The following UBOX5 variants were observed in gnomAD, a reference collection of about 807,000 sequenced individuals.
UBOX5 encodes U-box domain containing 5.
A neutral mutation model predicts 39.0 loss-of-function variants in UBOX5; 28 were observed. That is an observed-to-expected ratio of 0.72 (90% CI 0.53 to 0.98). The LOEUF (loss-of-function observed/expected upper bound fraction) is 0.98. UBOX5 is among the 50% of genes least tolerant of loss of function. The probability of loss-of-function intolerance (pLI) is 0.00; values close to 1 mark genes in which losing one functional copy is unlikely to be tolerated. For missense variants in UBOX5, 585 were observed against 674.4 expected (o/e 0.87, Z 1.47); for synonymous variants, 283 against 275.5 (o/e 1.03, Z -0.27).
intron 1 of UBOX5, among the ~76,000 whole-genome samples, chr20:3,155,865 T>C (rs74832142): frequency 0.075 from 11,347 of 152,302 alleles, 530 homozygotes; most frequent in Middle Eastern, 0.13. Context: ...GGCTACTTAC[T>C]CTTTTCACTA....
chr20:3,139,375 TTTTTAA>T (rs1372831661), intron 1 of UBOX5, among the ~76,000 whole-genome samples: 1 of 150,806 alleles, frequency 6.6e-6, no homozygotes, highest in Non-Finnish European at 1.5e-5. Flanking sequence ...TTCCTCTTTA[TTTTTAA>T]TTTTTATTTA....
At chr20:3,121,326 G>T in intron 3 of UBOX5, 58 bp downstream of exon 3, 1 of 1,556,026 alleles carries the variant, frequency 6.4e-7, no homozygotes, top group South Asian at 1.2e-5. Context: ...CAGCAGAGCT[G>T]AGAGCTCCTG....
chr20:3,158,435 A>G (rs2066712062), intron 1 of UBOX5, among the ~76,000 whole-genome samples: 1 of 152,244 alleles, frequency 6.6e-6, no homozygotes. Flanking sequence ...TATGTTATGC[A>G]GCACAGAGTC....
chr20:3,155,821 G>A (rs894278973), intron 1 of UBOX5, among the ~76,000 whole-genome samples: 2 of 152,158 alleles, frequency 1.3e-5, no homozygotes, highest in Non-Finnish European at 2.9e-5. Context: ...GAATCTTAGA[G>A]GCATGAAGAG....
rs148848697 is a variant in UBOX5 at position 3,123,362 on chromosome 20, C to T, written c.4G>A (p.Val2Ile). 1 of 1,613,916 alleles carries T rather than the reference C, an allele frequency of 6.2e-7. No homozygotes were observed. The highest frequency in any genetic ancestry group is 2.2e-5 in the East Asian group (1 of 44,884). The change falls in exon 2 of 5, where the codon GTA (valine) becomes ATA (isoleucine). Residue 2 changes from valine (V) to isoleucine (I), a missense_variant. Transcript: ENST00000217173. ...AACTGTGGGAGGCAAAGATTTATTA[C>T]CATCTTTGTGGCTGAGAGGATATCT... M[V>I]INLCLPQFRP...
intron 1 of UBOX5, among the ~76,000 whole-genome samples, chr20:3,150,254 G>A (rs1489858386): frequency 6.6e-6 from 1 of 152,098 alleles, no homozygotes; most frequent in African/African-American, 2.4e-5. Flanking sequence ...ATTTTGGTGG[G>A]AGAAAGCAGA....
At position 3,109,936 on chromosome 20, in the gene UBOX5, A is replaced by T; in HGVS notation, c.*170T>A. 1.3e-6 allele frequency: 1 copy of T among 746,114 alleles called. No homozygotes were observed. 46.2% of individuals were successfully genotyped at this position (746,114 alleles called of 1,614,324 possible). On this transcript the variant is annotated 3_prime_UTR_variant, in exon 5 of 5. Transcript: ENST00000217173. ...CCTATGGCTTTGTTGCCCTATTGCC[A>T]CCAGCGCAGAAGCAATGTGCTATAC...
chr20:3,121,560 G>A lies in UBOX5; in HGVS notation c.1079C>T (p.Pro360Leu). Reference protein sequence around the residue: ...LAVIPSSIVLPSQKRKIEQAE... With the variant: ...LAVIPSSIVLLSQKRKIEQAE... ...CTGCTCTATCTTCCTTTTCTGAGAG[G>A]GCAGAACAATGGAAGAAGGGATCAC... The change falls in exon 3 of 5, where the codon CCC (proline) becomes CTC (leucine). Residue 360 changes from proline to leucine, a missense_variant. Physicochemically the swap from Pro to Leu is moderately conservative, Grantham distance 98. Coordinates refer to ENST00000217173, the MANE Select transcript of UBOX5 (RefSeq NM_014948.4). 6.2e-7 allele frequency: 1 copy of A among 1,608,870 alleles called. No individual in the cohort carries two copies. Among genetic ancestry groups the A allele is most frequent in the Non-Finnish European group, 8.5e-7 (1 of 1,177,434 alleles).
In UBOX5 at chr20:3,121,403, T is replaced by C; in HGVS notation, c.1236A>G (p.Thr412=). The change falls in exon 3 of 5, where the codon ACA becomes ACG. Residue 412 remains threonine (T), a synonymous_variant. Coordinates refer to ENST00000217173, the MANE Select transcript of UBOX5 (RefSeq NM_014948.4). Reference sequence around the variant, plus strand: ...AATTACCTGTCGAGCAGTCCATATGTGTCAGGCTGGGCTCATTGGTGGCTT... The same window carrying C: ...AATTACCTGTCGAGCAGTCCATATGCGTCAGGCTGGGCTCATTGGTGGCTT... ...KMKATNEPSL[T]HMDCSTGPLS... 6.2e-7 allele frequency: 1 copy of C among 1,612,942 alleles called. No individual in the cohort carries two copies. Among genetic ancestry groups the C allele is most frequent in the Non-Finnish European group, 8.5e-7 (1 of 1,179,340 alleles).
chr20:3,126,159 A>C (rs1214668155), intron 1 of UBOX5, among the ~76,000 whole-genome samples: 1 of 152,216 alleles, frequency 6.6e-6, no homozygotes, highest in Non-Finnish European at 1.5e-5. Context: ...TTTGTTCTGT[A>C]CTAAGAAAAA....
chr20:3,115,845 C>T (rs1244676209), intron 3 of UBOX5, among the ~76,000 whole-genome samples: 3 of 144,554 alleles, frequency 2.1e-5, no homozygotes, highest in African/African-American at 7.6e-5. Context: ...CTCACTGCAA[C>T]CTTCGCCTCC....
intron 1 of UBOX5, among the ~76,000 whole-genome samples, chr20:3,132,539 C>T (rs1253467531): frequency 6.6e-6 from 1 of 151,248 alleles, no homozygotes; most frequent in Non-Finnish European, 1.5e-5. Flanking sequence ...CTGGGTGAAA[C>T]GAGGCGTGAT....
In UBOX5 at chr20:3,109,800, G is replaced by A. The variant is rs1373993778; in HGVS notation, c.*306C>T. 1.4e-5 allele frequency: 6 copies of A among 437,500 alleles called. No individual in the cohort carries two copies. The highest frequency in any genetic ancestry group is 9.7e-5 in the East Asian group (2 of 20,630). 27.1% of individuals were successfully genotyped at this position (437,500 alleles called of 1,614,324 possible). ...GGACAGGGGGGTATGCGGACTGCAC[G>A]GGGGGGCCCTCAGCAGGGGTCTTCC... On this transcript the variant is annotated 3_prime_UTR_variant, in exon 5 of 5. Coordinates refer to ENST00000217173, the MANE Select transcript of UBOX5 (RefSeq NM_014948.4).
At chr20:3,148,370 T>G (rs781768771) in intron 1 of UBOX5, 1 of 1,614,172 alleles carries the variant, frequency 6.2e-7, no homozygotes, top group Non-Finnish European at 8.5e-7. Context: ...CCATACCTGA[T>G]GGCAACACTT....
rs1012932054 is a variant in UBOX5 at position 3,131,510 on chromosome 20, A to T, written c.-41-8104T>A. On this transcript the variant is annotated intron_variant, in intron 1 of 4. Coordinates refer to ENST00000217173, the MANE Select transcript of UBOX5 (RefSeq NM_014948.4). ...GTTCTTTAAATGTACTGTACTACTGAATTTATTTTGCTCATATTTAATTTT... is the reference window on the plus strand; with the variant it reads ...GTTCTTTAAATGTACTGTACTACTGTATTTATTTTGCTCATATTTAATTTT... Among the ~76,000 whole-genome samples the T allele has an allele frequency of 2.6e-5, 4 of 152,264 alleles. No individual in the cohort carries two copies. In the East Asian group the frequency reaches 7.7e-4, roughly 29 times the overall value.
At chr20:3,130,161 AGT>A (rs1190372831) in intron 1 of UBOX5, among the ~76,000 whole-genome samples, 1 of 152,088 alleles carries the variant, frequency 6.6e-6, no homozygotes. Flanking sequence ...TTGAGGCTAC[AGT>A]GAGCTATGAT....
Position 3,122,552 on chromosome 20 carries a change from G to A in UBOX5, c.87C>T (p.Leu29=). 6.3e-7 allele frequency: 1 copy of A among 1,598,984 alleles called. No homozygotes were observed. Among genetic ancestry groups the A allele is most frequent in the Non-Finnish European group, 8.5e-7 (1 of 1,170,628 alleles). Residue 29 remains leucine (L), a synonymous_variant, in exon 3 of 5, where the codon CTC becomes CTT. Coordinates refer to ENST00000217173, the MANE Select transcript of UBOX5 (RefSeq NM_014948.4). ...TTCTCTTTGTGAGATCTTCAGAGAT[G>A]AGATTTTCTACTTCGTAACCATCAG... is the stretch of plus-strand genomic sequence containing the variant. The part of the protein sequence containing the change: ...ISADGYEVEN[L]ISEDLTKRSH...
intron 1 of UBOX5, among the ~76,000 whole-genome samples, chr20:3,138,255 C>T (rs147990066): frequency 6.4e-4 from 91 of 141,752 alleles, no homozygotes; most frequent in African/African-American, 2.2e-3. Context: ...CCAGCCTGGG[C>T]GACAGAGGGA....
At chr20:3,146,773 C>A in intron 1 of UBOX5, 1 of 1,611,306 alleles carries the variant, frequency 6.2e-7, no homozygotes, top group South Asian at 1.1e-5. Context: ...CCCTAAATGC[C>A]CTTCAGAGAG....
Sources: allele counts gnomAD v4.1 joint callset (sites outside exome capture counted in the v4.1 genomes callset), GRCh38; gene constraint gnomAD v4.1.1; transcripts MANE v1.5; gene names NCBI Gene and HGNC (gene_info 2026-07-23, HGNC 2026-07-21).